Variants in SLC28A1 observed in about 807,000 individuals in gnomAD.
The protein encoded by SLC28A1 is solute carrier family 28 member 1.
A neutral mutation model predicts 74.8 loss-of-function variants in SLC28A1; 64 were observed. The ratio of observed to expected loss-of-function variants is 0.86; its 90% CI spans 0.70 to 1.05. SLC28A1 has a LOEUF of 1.05. Among genes scored for constraint, SLC28A1 ranks in the 50% least tolerant of loss-of-function variants. The probability of loss-of-function intolerance (pLI) is 0.00; values close to 1 mark genes in which losing one functional copy is unlikely to be tolerated. For synonymous variants in SLC28A1, 359 were observed against 335.0 expected (o/e 1.07, Z -0.78); for missense variants, 828 against 822.8 (o/e 1.01, Z -0.08).
intron 12 of SLC28A1, among the ~76,000 whole-genome samples, chr15:84,926,059 T>A (rs1178603431): frequency 1.4e-5 from 2 of 147,402 alleles, no homozygotes; most frequent in Non-Finnish European, 3.0e-5. Flanking sequence ...TTTTTTTATT[T>A]TATTCTATAT....
intron 9 of SLC28A1, among the ~76,000 whole-genome samples, chr15:84,910,673 A>G (rs1968054439): frequency 6.6e-6 from 1 of 152,202 alleles, no homozygotes; most frequent in Admixed American, 6.5e-5. Context: ...GGTTGCAGTG[A>G]GCTGAGATCA....
chr15:84,885,105 C>G (rs1173640745), intron 1 of SLC28A1, among the ~76,000 whole-genome samples: 1 of 152,012 alleles, frequency 6.6e-6, no homozygotes, highest in South Asian at 2.1e-4. Flanking sequence ...ACTACAGGCA[C>G]CTGCCACCAT....
chr15:84,954,169 C>A, the SLC28A1 span, among the ~76,000 whole-genome samples: 1 of 152,202 alleles, frequency 6.6e-6, no homozygotes, highest in African/African-American at 2.4e-5. Context: ...TGCCCTCCTC[C>A]AGACCCATTG....
chr15:84,956,224 C>T, the SLC28A1 span, among the ~76,000 whole-genome samples: 4 of 152,158 alleles, frequency 2.6e-5, no homozygotes, highest in Admixed American at 2.6e-4. Context: ...TTAACTCTTT[C>T]ATACCACCCC....
At chr15:84,967,316 T>C in the SLC28A1 span, among the ~76,000 whole-genome samples, 7 of 152,316 alleles carry the variant, frequency 4.6e-5, no homozygotes, top group South Asian at 2.1e-4. Context: ...GCTGACATTA[T>C]GGTAAACTTT....
At chr15:84,906,714 G>C (rs1967306921) in intron 8 of SLC28A1, among the ~76,000 whole-genome samples, 1 of 148,174 alleles carries the variant, frequency 6.7e-6, no homozygotes, top group African/African-American at 2.5e-5. Flanking sequence ...AAACTCCTGG[G>C]CTCAAGTGAT....
intron 9 of SLC28A1, among the ~76,000 whole-genome samples, chr15:84,918,316 G>A (rs1036696330): frequency 1.3e-5 from 2 of 152,140 alleles, no homozygotes; most frequent in African/African-American, 4.8e-5. Context: ...GAGGGGAGCC[G>A]AGAGGACAAG....
At chr15:84,886,099 A>AT (rs1392121565) in intron 1 of SLC28A1, 11 of 980,590 alleles carry the variant, frequency 1.1e-5, no homozygotes, top group African/African-American at 1.7e-5. Flanking sequence ...AAACTAAAGC[A>AT]TTCAGCCCTT....
chr15:84,906,841 T>A (rs2343678), intron 8 of SLC28A1, among the ~76,000 whole-genome samples: 88,979 of 151,822 alleles, frequency 0.59, 26,208 homozygotes, highest in South Asian at 0.69. Flanking sequence ...CACACTTGTT[T>A]TGCAACTATC....
rs193114293 is a variant in SLC28A1 at position 84,887,745 on chromosome 15, C to G, written c.-16C>G. ...GGGCGCTCCCTGATTTGTCTTTCAG[C>G]TGGAAGGTCTGGGACATGGAGAACG... is the stretch of plus-strand genomic sequence containing the variant. On this transcript the variant is annotated splice_region_variant and 5_prime_UTR_variant, in exon 3 of 19. Coordinates refer to ENST00000394573, the MANE Select transcript of SLC28A1 (RefSeq NM_004213.5). 1,185 of 1,613,100 alleles carry G rather than the reference C, an allele frequency of 7.3e-4. 14 individuals are homozygous for G. In the East Asian group the frequency reaches 0.022, roughly 30 times the overall value.
At chr15:84,960,320 A>G in the SLC28A1 span, among the ~76,000 whole-genome samples, 1 of 128,422 alleles carries the variant, frequency 7.8e-6, no homozygotes, top group African/African-American at 3.0e-5. Flanking sequence ...CAGTGGCGCA[A>G]TCTCAGCTCA....
the SLC28A1 span, among the ~76,000 whole-genome samples, chr15:84,962,162 A>G: frequency 1.3e-5 from 2 of 151,208 alleles, no homozygotes; most frequent in South Asian, 2.1e-4. Context: ...GAAGCCTCCA[A>G]CTCCTGAGCT....
intron 8 of SLC28A1, among the ~76,000 whole-genome samples, chr15:84,906,018 CT>C (rs34746940): frequency 6.5e-4 from 90 of 139,214 alleles, no homozygotes; most frequent in East Asian, 5.6e-3. Context: ...CATTTTTGTT[CT>C]TTTTTTTTTT....
rs564640768 is a variant in SLC28A1, at chr15:84,937,140, G to GTT, written c.1581+1632_1581+1633dup. 2.8e-5 allele frequency among the ~76,000 whole-genome samples: 4 copies of GTT among 145,110 alleles called. No individual in the cohort carries two copies. In the Admixed American group the frequency reaches 2.8e-4, roughly 10 times the overall value. On this transcript the variant is annotated intron_variant, in intron 15 of 18. Transcript: ENST00000394573. ...GTGCTGTAGCCATTTTTGTTTTTTT[G>GTT]TTTTTTTTTTTACTTAGTATTACAA...
intron 5 of SLC28A1, among the ~76,000 whole-genome samples, chr15:84,892,793 G>C (rs1965506039): frequency 6.6e-6 from 1 of 152,066 alleles, no homozygotes; most frequent in East Asian, 1.9e-4. Flanking sequence ...CCTTCTCCAT[G>C]GGTGCAGCGA....
At chr15:84,950,368 T>A (rs1028010696), downstream of SLC28A1, among the ~76,000 whole-genome samples, 355 of 108,936 alleles carry the variant, frequency 3.3e-3, 2 homozygotes, top group Non-Finnish European at 4.7e-3. Flanking sequence ...CCTTTTTTTT[T>A]TTTTTTTTTT....
intron 16 of SLC28A1, 48 bp downstream of exon 16, chr15:84,943,574 G>A: frequency 7.0e-7 from 1 of 1,433,480 alleles, no homozygotes; most frequent in Non-Finnish European, 9.8e-7. Flanking sequence ...TCTGGGACTT[G>A]AACTTGCTCG....
chr15:84,926,132 G>A (rs1013835514), intron 12 of SLC28A1, among the ~76,000 whole-genome samples: 6 of 146,040 alleles, frequency 4.1e-5, no homozygotes, highest in Admixed American at 1.4e-4. Flanking sequence ...ATAAAATATT[G>A]TATTTTATTA....
rs184729285 is a variant in SLC28A1, at chr15:84,894,869, G to A, written c.278-71G>A. 2.9e-5 allele frequency: 43 copies of A among 1,477,358 alleles called. 1 individual carries two copies. Among genetic ancestry groups the A allele is most frequent in the African/African-American group, 1.8e-4 (13 of 72,324 alleles). The allele number at this position is 1,477,358 out of a possible 1,614,324, so 91.5% of individuals were successfully genotyped here. A position where few individuals can be genotyped will look rare whatever the true frequency, so the allele number is the denominator to read the frequency against. On this transcript the variant is annotated intron_variant, in intron 5 of 18. Transcript: ENST00000394573. ...CTCTGGGTGGAGTAAGGTGGAGTCC[G>A]CGGGCGGGGCTGCAGGGTTCTGAAG...
Sources: allele counts gnomAD v4.1 joint callset (sites outside exome capture counted in the v4.1 genomes callset), GRCh38; gene constraint gnomAD v4.1.1; transcripts MANE v1.5; gene names NCBI Gene and HGNC (gene_info 2026-07-23, HGNC 2026-07-21).